Variants in ROBO2 observed in about 807,000 individuals in gnomAD.
ROBO2 encodes roundabout homolog 2.
In ROBO2, 53 loss-of-function variants were observed where a neutral mutation model predicts 160.8. The ratio of observed to expected loss-of-function variants is 0.33; its 90% CI spans 0.26 to 0.41. ROBO2 has a LOEUF of 0.41. ROBO2 is among the 10% of genes least tolerant of loss of function. ROBO2 has a pLI of 1.00. For synonymous variants in ROBO2, 664 were observed against 611.7 expected, an observed-to-expected ratio of 1.09 and a Z score of -1.26; for missense variants, 1,577 against 1,722.4, an observed-to-expected ratio of 0.92 and a Z score of 1.49.
intron 2 of ROBO2, among the ~76,000 whole-genome samples, chr3:75,937,873 A>ATATATATATATATATATG: frequency 7.6e-6 from 1 of 131,004 alleles, no homozygotes; most frequent in Non-Finnish European, 1.6e-5. Flanking sequence ...ATATATATAT[A>ATATATATATATATATATG]TGAGGTATTA....
At chr3:77,192,650 C>CTTTTTTTTT (rs71629633) in intron 2 of ROBO2, among the ~76,000 whole-genome samples, 7 of 110,008 alleles carry the variant, frequency 6.4e-5, no homozygotes, top group African/African-American at 1.2e-4. Flanking sequence ...AACACAATTC[C>CTTTTTTTTT]TTTTTTTTTT....
At chr3:76,325,677 T>C (rs537876240) in intron 2 of ROBO2, among the ~76,000 whole-genome samples, 26 of 151,452 alleles carry the variant, frequency 1.7e-4, no homozygotes, top group African/African-American at 6.1e-4. Flanking sequence ...CTACTCGAGA[T>C]ACAGAGACAG....
intron 21 of ROBO2, among the ~76,000 whole-genome samples, chr3:77,609,088 T>C (rs544886530): frequency 3.8e-4 from 57 of 151,922 alleles, no homozygotes; most frequent in African/African-American, 1.2e-3. Flanking sequence ...TATATATGCA[T>C]TATATATGTA....
rs188972269 is a variant in ROBO2 at position 76,359,556 on chromosome 3, G to T, written c.109+421954G>T. ...CATGTGATCCTTTACCTCCTGTTAC[G>T]CACAATGGTAAGATGATCCATACAG... On this transcript the variant is annotated intron_variant, in intron 2 of 26. Transcript: ENST00000487694. 4.6e-5 allele frequency among the ~76,000 whole-genome samples: 7 copies of T among 151,952 alleles called. No individual in the cohort carries two copies. In the East Asian group the frequency reaches 1.2e-3, roughly 25 times the overall value.
intron 2 of ROBO2, among the ~76,000 whole-genome samples, chr3:76,193,687 T>G (rs1408376941): frequency 6.6e-6 from 1 of 152,238 alleles, no homozygotes; most frequent in Non-Finnish European, 1.5e-5. Flanking sequence ...ATCAGACATT[T>G]GTCAGTGAGA....
chr3:76,434,643 C>T (rs1256083450), intron 2 of ROBO2: 1 of 1,323,238 alleles, frequency 7.6e-7, no homozygotes, highest in African/African-American at 1.4e-5. Flanking sequence ...GGCAAAAGAA[C>T]TGAGTGGACT....
chr3:76,985,891 G>C (rs913747503), intron 2 of ROBO2, among the ~76,000 whole-genome samples: 1 of 152,128 alleles, frequency 6.6e-6, no homozygotes, highest in African/African-American at 2.4e-5. Context: ...ACTCCATGTG[G>C]TCATTAATTT....
chr3:76,187,733 G>C (rs879563594), intron 2 of ROBO2, among the ~76,000 whole-genome samples: 4 of 152,056 alleles, frequency 2.6e-5, no homozygotes, highest in Admixed American at 1.3e-4. Flanking sequence ...TGTTGATTCT[G>C]TCTCTAAATG....
exon 23 of ROBO2, chr3:77,622,419 C>T (rs1442569689): frequency 1.2e-6 from 2 of 1,613,974 alleles, no homozygotes; most frequent in Non-Finnish European, 1.7e-6. Flanking sequence ...ACAATCTAGA[C>T]AGCTCTGTGA....
At chr3:76,213,252 T>G (rs548397484) in intron 2 of ROBO2, among the ~76,000 whole-genome samples, 2 of 152,086 alleles carry the variant, frequency 1.3e-5, no homozygotes, top group African/African-American at 4.8e-5. Flanking sequence ...ATTATCATAG[T>G]AAACAAGAAA....
At position 75,965,226 on chromosome 3, in the gene ROBO2, G is replaced by A. The variant is rs541978411; in HGVS notation, c.109+27624G>A. 2.2e-4 allele frequency among the ~76,000 whole-genome samples: 34 copies of A among 151,834 alleles called. No homozygotes were observed. In the South Asian group the frequency reaches 6.6e-3, roughly 30 times the overall value. On this transcript the variant is annotated intron_variant, in intron 2 of 26. Transcript: ENST00000487694. ...CGTTAAGGTCATACCTTTCTGAAAT[G>A]TAGTCATATTTTCACTACTGTTTAA...
chr3:76,666,033 T>G (rs2092031361), intron 2 of ROBO2, among the ~76,000 whole-genome samples: 1 of 123,154 alleles, frequency 8.1e-6, no homozygotes, highest in Non-Finnish European at 1.8e-5. Context: ...TTATATATAT[T>G]ATATATATAC....
chr3:76,964,492 G>T (rs1030580694), intron 2 of ROBO2, among the ~76,000 whole-genome samples: 1 of 152,018 alleles, frequency 6.6e-6, no homozygotes, highest in Non-Finnish European at 1.5e-5. Context: ...ACAGGCACAC[G>T]CCACCATGCC....
chr3:76,217,585 A>C (rs1026716101), intron 2 of ROBO2, among the ~76,000 whole-genome samples: 5 of 152,214 alleles, frequency 3.3e-5, no homozygotes, highest in South Asian at 2.1e-4. Flanking sequence ...AATTCCTCGA[A>C]ACATACACTC....
intron 2 of ROBO2, among the ~76,000 whole-genome samples, chr3:76,994,937 T>A (rs1224739668): frequency 6.6e-6 from 1 of 152,134 alleles, no homozygotes; most frequent in African/African-American, 2.4e-5. Context: ...AATTTGAGCA[T>A]AGATTTACTT....
intron 2 of ROBO2, among the ~76,000 whole-genome samples, chr3:77,470,229 T>TA (rs1157572709): frequency 1.3e-5 from 2 of 152,180 alleles, no homozygotes; most frequent in Non-Finnish European, 2.9e-5. Context: ...TAAGAGCCAT[T>TA]AAAAAGTGTT....
At chr3:76,503,149 A>G (rs1294039456) in intron 2 of ROBO2, among the ~76,000 whole-genome samples, 1 of 152,104 alleles carries the variant, frequency 6.6e-6, no homozygotes, top group African/African-American at 2.4e-5. Flanking sequence ...AAACTGAAGA[A>G]CCTGGAGTTC....
chr3:76,426,435 G>A (rs1258336414), intron 2 of ROBO2, among the ~76,000 whole-genome samples: 3 of 152,118 alleles, frequency 2.0e-5, no homozygotes, highest in Non-Finnish European at 4.4e-5. Context: ...ATACAAAAAT[G>A]ATCAACAGAC....
At chr3:76,835,469 C>T (rs917591411) in intron 2 of ROBO2, among the ~76,000 whole-genome samples, 4 of 147,470 alleles carry the variant, frequency 2.7e-5, no homozygotes, top group Non-Finnish European at 6.0e-5. Flanking sequence ...CACATATGTG[C>T]AAACACAATA....
Sources: allele counts gnomAD v4.1 joint callset (sites outside exome capture counted in the v4.1 genomes callset), GRCh38; gene constraint gnomAD v4.1.1; transcripts MANE v1.5; gene names NCBI Gene and HGNC (gene_info 2026-07-23, HGNC 2026-07-21).